The following CHAT variants were observed in gnomAD, a reference collection of about 807,000 sequenced individuals.
The protein encoded by CHAT is acetyl CoA:choline O-acetyltransferase.
CHAT carries 61 observed loss-of-function variants against 76.9 expected under a neutral mutation model. The ratio of observed to expected loss-of-function variants is 0.79; its 90% CI spans 0.65 to 0.98. CHAT has a LOEUF of 0.98. Ranked by LOEUF, CHAT falls within the 50% of genes least tolerant of loss-of-function variation. The pLI, the probability that CHAT is intolerant of heterozygous loss-of-function variation, is 0.00. For synonymous variants in CHAT, 407 were observed against 397.4 expected (o/e 1.02, Z -0.29); for missense variants, 946 against 986.9 (o/e 0.96, Z 0.56).
chr10:49,611,514 G>A, upstream of CHAT: 1 of 1,601,444 alleles, frequency 6.2e-7, no homozygotes, highest in Non-Finnish European at 8.5e-7. Context: ...ACGCGCTGTT[G>A]CTGCTGGCAG....
At chr10:49,653,904 A>C (rs1590618437) in intron 11 of CHAT, among the ~76,000 whole-genome samples, 1 of 152,230 alleles carries the variant, frequency 6.6e-6, no homozygotes, top group African/African-American at 2.4e-5. Context: ...TGCACAATGC[A>C]CCCCTCCTCC....
chr10:49,645,207 A>G (rs1839617632), intron 7 of CHAT, among the ~76,000 whole-genome samples: 2 of 152,162 alleles, frequency 1.3e-5, no homozygotes, highest in African/African-American at 2.4e-5. Flanking sequence ...GTGTGCAACT[A>G]GGAGTCTCTA....
At chr10:49,654,990 A>T (rs973916760) in intron 11 of CHAT, 105 bp from the exon 12 acceptor site, 11 of 1,175,224 alleles carry the variant, frequency 9.4e-6, no homozygotes, top group Admixed American at 1.7e-5. Flanking sequence ...TGCCAAGTCA[A>T]GTCAGGGCTG....
In CHAT at chr10:49,625,486, A is replaced by C; in HGVS notation, c.766A>C (p.Thr256Pro). 3 of 1,611,958 alleles carry C rather than the reference A, an allele frequency of 1.9e-6. No homozygotes were observed. Among genetic ancestry groups the C allele is most frequent in the Non-Finnish European group, 2.5e-6 (3 of 1,179,836 alleles). ...KALLDSHSIP[T>P]DCAKGQLSGQ... ...CCTCTCCTTCAGCCACTCCATTCCC[A>C]CTGACTGTGCCAAAGGCCAGCTGTC... The change falls in exon 6 of 15, where the codon ACT becomes CCT. Residue 256 changes from threonine (T) to proline (P), a missense_variant. Coordinates refer to ENST00000337653, the MANE Select transcript of CHAT (RefSeq NM_020549.5).
At chr10:49,648,642 C>G in intron 9 of CHAT, 35 bp downstream of exon 9, 8 of 1,476,804 alleles carry the variant, frequency 5.4e-6, no homozygotes, top group Non-Finnish European at 7.5e-6. Flanking sequence ...ATGCTGGGCC[C>G]AAAAAAATGT....
chr10:49,651,888 G>A lies in CHAT; in HGVS notation c.1516G>A (p.Val506Ile), dbSNP rs121912817. Residue 506 changes from valine to isoleucine, a missense_variant, in exon 11 of 15, where the codon GTA becomes ATA. Val to Ile is a conservative substitution (Grantham distance 29, BLOSUM62 3). Coordinates refer to ENST00000337653, the MANE Select transcript of CHAT (RefSeq NM_020549.5). Reference sequence around the variant, plus strand: ...TCTTTTCTTTTTCTTCCTCAGAATAGTAAAGAACCTTGACTTCATTGTCTA... The same window carrying A: ...TCTTTTCTTTTTCTTCCTCAGAATAATAAAGAACCTTGACTTCATTGTCTA... Reference protein sequence around the residue: ...ASSAEKLQRIVKNLDFIVYKF... With the variant: ...ASSAEKLQRIIKNLDFIVYKF... 1 of 1,613,822 alleles carries A rather than the reference G, an allele frequency of 6.2e-7. No homozygotes were observed. Among genetic ancestry groups the A allele is most frequent in the Non-Finnish European group, 8.5e-7 (1 of 1,179,774 alleles).
chr10:49,622,543 C>T (rs1391389559), intron 5 of CHAT, among the ~76,000 whole-genome samples: 1 of 152,160 alleles, frequency 6.6e-6, no homozygotes, highest in African/African-American at 2.4e-5. Flanking sequence ...GAGACTGTAT[C>T]CTCAATCCCA....
chr10:49,635,192 A>T (rs889100824), intron 7 of CHAT, among the ~76,000 whole-genome samples: 2 of 152,240 alleles, frequency 1.3e-5, no homozygotes, highest in African/African-American at 4.8e-5. Flanking sequence ...AGCATGTATG[A>T]TGCAGGGTCT....
intron 8 of CHAT, 39 bp downstream of exon 8, chr10:49,646,713 C>A: frequency 6.2e-7 from 1 of 1,606,178 alleles, no homozygotes; most frequent in African/African-American, 1.3e-5. Flanking sequence ...CACAGCCATG[C>A]CCCCAGCGAG....
At position 49,664,763 on chromosome 10, in the gene CHAT, G is replaced by A. The variant is rs1381286070; in HGVS notation, c.1978-14G>A. On this transcript the variant is annotated splice_polypyrimidine_tract_variant and intron_variant, in intron 14 of 14. Transcript: ENST00000337653. ...TTCCAGAACAAGCAGCTCCTGACCT[G>A]TCCTCTCCTCCAGGTGCCCACAACC... is the stretch of plus-strand genomic sequence containing the variant. 6.2e-7 allele frequency: 1 copy of A among 1,614,228 alleles called. No homozygotes were observed. The highest frequency in any genetic ancestry group is 8.5e-7 in the Non-Finnish European group (1 of 1,180,046).
chr10:49,615,959 G>C (rs796370333), intron 1 of CHAT: 1 of 1,403,330 alleles, frequency 7.1e-7, no homozygotes, highest in Non-Finnish European at 1.0e-6. Context: ...ATGCATCCTG[G>C]AGCACAGGGC....
At chr10:49,648,640 C>T in intron 9 of CHAT, 33 bp downstream of exon 9, 3 of 1,499,770 alleles carry the variant, frequency 2.0e-6, no homozygotes, top group Non-Finnish European at 2.8e-6. Flanking sequence ...CCATGCTGGG[C>T]CCAAAAAAAT....
intron 3 of CHAT, 66 bp downstream of exon 3, chr10:49,619,982 T>A (rs528433619): frequency 1.3e-6 from 2 of 1,504,206 alleles, no homozygotes; most frequent in Admixed American, 3.9e-5. Context: ...CAGAGGGATC[T>A]CGGTGAGAGG....
At chr10:49,654,514 C>T (rs1008998133) in intron 11 of CHAT, among the ~76,000 whole-genome samples, 2 of 152,226 alleles carry the variant, frequency 1.3e-5, no homozygotes, top group African/African-American at 2.4e-5. Flanking sequence ...ACAGAGGAGT[C>T]CCCTGGCTGG....
Position 49,651,996 on chromosome 10 carries a change from G to C in CHAT, c.1624G>C (p.Ala542Pro). 6.2e-7 allele frequency: 1 copy of C among 1,614,196 alleles called. No homozygotes were observed. Among genetic ancestry groups the C allele is most frequent in the Non-Finnish European group, 8.5e-7 (1 of 1,180,036 alleles). Residue 542 changes from alanine (A) to proline (P), a missense_variant, in exon 11 of 15, where the codon GCC (alanine) becomes CCC (proline). Ala to Pro is a conservative substitution (Grantham distance 27, BLOSUM62 -1). Transcript: ENST00000337653. ...CTTCATCCAGGTGGCCCTCCAGCTGGCCTTCTACAGGTGAGTGAAGGTGGA... is the reference window on the plus strand; with the variant it reads ...CTTCATCCAGGTGGCCCTCCAGCTGCCCTTCTACAGGTGAGTGAAGGTGGA... ...DAFIQVALQLAFYRLHRRLVP... is the reference protein window; with the variant it reads ...DAFIQVALQLPFYRLHRRLVP...
At chr10:49,612,583 A>G, upstream of CHAT, 3 of 509,490 alleles carry the variant, frequency 5.9e-6, no homozygotes, top group Non-Finnish European at 1.1e-5. Context: ...GGTGAAGAGG[A>G]CCCTGAGTCC....
At chr10:49,609,584 T>A (rs1254559643), upstream of CHAT, among the ~76,000 whole-genome samples, 2 of 151,972 alleles carry the variant, frequency 1.3e-5, no homozygotes, top group Non-Finnish European at 2.9e-5. Flanking sequence ...CAGGCTAATA[T>A]TCGCGACCCC....
At chr10:49,616,446 T>A in intron 1 of CHAT, 56 bp from the exon 2 acceptor site, 1 of 1,371,062 alleles carries the variant, frequency 7.3e-7, no homozygotes, top group Non-Finnish European at 1.0e-6. Flanking sequence ...AGGTGGAGGG[T>A]TTGTGACAGG....
chr10:49,646,375 G>T, intron 7 of CHAT, 130 bp from the exon 8 acceptor site: 1 of 1,186,812 alleles, frequency 8.4e-7, no homozygotes, highest in Non-Finnish European at 1.2e-6. Flanking sequence ...GGGGGGTCAG[G>T]GCTGGCTCAA....
Sources: allele counts gnomAD v4.1 joint callset (sites outside exome capture counted in the v4.1 genomes callset), GRCh38; gene constraint gnomAD v4.1.1; transcripts MANE v1.5; gene names NCBI Gene and HGNC (gene_info 2026-07-23, HGNC 2026-07-21).